SVEP1: variants seen among roughly 807,000 people sequenced by gnomAD.
SVEP1 encodes sushi, von Willebrand factor type A, EGF and pentraxin domain-containing protein 1.
A neutral mutation model predicts 367.3 loss-of-function variants in SVEP1; 164 were observed. The ratio of observed to expected loss-of-function variants is 0.45; its 90% CI spans 0.39 to 0.51. The LOEUF (loss-of-function observed/expected upper bound fraction) is 0.51, where lower values mean the gene tolerates loss of function less well. Among genes scored for constraint, SVEP1 ranks in the 20% least tolerant of loss-of-function variants. The probability of loss-of-function intolerance (pLI) is 0.00; values close to 1 mark genes in which losing one functional copy is unlikely to be tolerated. For synonymous variants in SVEP1, 1,666 were observed against 1,611.6 expected (o/e 1.03, Z -0.81); for missense variants, 4,117 against 4,425.3 (o/e 0.93, Z 1.98).
intron 1 of SVEP1, among the ~76,000 whole-genome samples, chr9:110,554,786 T>C (rs1186996621): frequency 4.0e-5 from 6 of 151,682 alleles, no homozygotes; most frequent in Non-Finnish European, 7.4e-5. Flanking sequence ...TTAGTACACA[T>C]TCCAGGGGAA....
chr9:110,405,744 G>C (rs189888626), intron 38 of SVEP1, among the ~76,000 whole-genome samples: 76 of 152,180 alleles, frequency 5.0e-4, no homozygotes, highest in African/African-American at 1.7e-3. Context: ...CATGATCATG[G>C]CCTGAATTCT....
At chr9:110,556,102 T>G (rs1165094273) in intron 1 of SVEP1, among the ~76,000 whole-genome samples, 1 of 152,178 alleles carries the variant, frequency 6.6e-6, no homozygotes, top group Non-Finnish European at 1.5e-5. Context: ...CAAAAGGTTA[T>G]CACCATCTGT....
intron 21 of SVEP1, among the ~76,000 whole-genome samples, 191 bp downstream of exon 21, chr9:110,457,065 A>G (rs1471204862): frequency 6.6e-6 from 1 of 152,204 alleles, no homozygotes; most frequent in Non-Finnish European, 1.5e-5. Context: ...CAAAATAGGC[A>G]AAGAAAACTG....
At position 110,482,360 on chromosome 9, in the gene SVEP1, C is replaced by A; in HGVS notation, c.2170+1G>T. ...ATTCTGGGGACTTATGAAGACAATA[C>A]CTTTTATGACAATATGGATATCACA... is the stretch of plus-strand genomic sequence containing the variant. On this transcript the variant is annotated splice_donor_variant, in intron 11 of 47. Coordinates refer to ENST00000374469, the MANE Select transcript of SVEP1 (RefSeq NM_153366.4). LOFTEE classifies it high-confidence loss of function. 1 of 1,610,154 alleles carries A rather than the reference C, an allele frequency of 6.2e-7. No individual in the cohort carries two copies. Among genetic ancestry groups the A allele is most frequent in the Non-Finnish European group, 8.5e-7 (1 of 1,178,266 alleles).
At position 110,446,015 on chromosome 9, in the gene SVEP1, C is replaced by T; in HGVS notation, c.4285G>A (p.Asp1429Asn). 6.2e-7 allele frequency: 1 copy of T among 1,612,886 alleles called. No homozygotes were observed. The highest frequency in any genetic ancestry group is 1.7e-5 in the Admixed American group (1 of 59,806). ...ETEQSTGFNL[D>N]FEVSGIYGYV... ...CCATAGATGCCAGAAACTTCAAAAT[C>T]CAGGTTAAAGCCTGTAGACTGTTCT... Residue 1429 changes from aspartate to asparagine, a missense_variant, in exon 26 of 48, where the codon GAT becomes AAT. Physicochemically the swap from Asp to Asn is conservative, Grantham distance 23. Transcript: ENST00000374469.
At chr9:110,413,567 G>A (rs1793433990) in intron 36 of SVEP1, among the ~76,000 whole-genome samples, 2 of 151,750 alleles carry the variant, frequency 1.3e-5, no homozygotes, top group South Asian at 2.1e-4. Flanking sequence ...AATAAAAGGT[G>A]TCTTCTGCAT....
chr9:110,545,593 C>A (rs2118842116), intron 3 of SVEP1, among the ~76,000 whole-genome samples: 1 of 152,206 alleles, frequency 6.6e-6, no homozygotes, highest in African/African-American at 2.4e-5. Flanking sequence ...TACATGTGGC[C>A]TGGGGACAAG....
Position 110,489,716 on chromosome 9 carries a change from T to G in SVEP1, c.1864A>C (p.Ile622Leu). The G allele has an allele frequency of 6.2e-7, 1 of 1,613,572 alleles. No individual in the cohort carries two copies. The highest frequency in any genetic ancestry group is 8.5e-7 in the Non-Finnish European group (1 of 1,179,624). The change falls in exon 9 of 48, where the codon ATC becomes CTC. Residue 622 changes from isoleucine to leucine, a missense_variant. By Grantham distance (5) the Ile-to-Leu change is conservative (BLOSUM62 2). This residue lies in a region of SVEP1 where 2,174 missense variants were observed against 2,494.3 expected (regional missense o/e 0.87). Coordinates refer to ENST00000374469, the MANE Select transcript of SVEP1 (RefSeq NM_153366.4). ...GATAGGTCAGTTGCCGTGTATACGA[T>G]AGCAACATCTCCAATTGGGAAAAGG... ...PYLFPIGDVA[I>L]VYTATDLSGN...
chr9:110,435,316 C>G lies in SVEP1; in HGVS notation c.4813G>C (p.Val1605Leu). ...SCPEELSKGN[V>L]LAWPDFLSGI... ...GACAAGAAATCAGGCCATGCTAACACGTTTCCTTTACTGAGTTCCTCTGGG... is the reference window on the plus strand; with the variant it reads ...GACAAGAAATCAGGCCATGCTAACAGGTTTCCTTTACTGAGTTCCTCTGGG... The change falls in exon 29 of 48, where the codon GTG (valine) becomes CTG (leucine). Residue 1605 changes from valine (V) to leucine (L), a missense_variant. Val to Leu is a conservative substitution (Grantham distance 32). Transcript: ENST00000374469. 1.2e-6 allele frequency: 2 copies of G among 1,613,666 alleles called. No individual in the cohort carries two copies. Among genetic ancestry groups the G allele is most frequent in the Non-Finnish European group, 1.7e-6 (2 of 1,179,628 alleles).
chr9:110,483,891 C>T (rs183481852), intron 9 of SVEP1, among the ~76,000 whole-genome samples, 198 bp from the exon 10 acceptor site: 302 of 152,294 alleles, frequency 2.0e-3, no homozygotes, highest in Admixed American at 3.7e-3. Flanking sequence ...TGCTATACTT[C>T]CCCCATCTGT....
At chr9:110,437,572 C>T (rs1203347871) in intron 27 of SVEP1, among the ~76,000 whole-genome samples, 1 of 152,198 alleles carries the variant, frequency 6.6e-6, no homozygotes, top group Non-Finnish European at 1.5e-5. Context: ...TCTCAGTCTC[C>T]CTTCTCTGCC....
Position 110,481,362 on chromosome 9 carries a change from A to G in SVEP1, c.2245T>C (p.Cys749Arg). Reference sequence around the variant, plus strand: ...TAGCCCTCCAAGCAAGTTAATGTACAGTTGACTCCAGTATTATCTGGAGTG... The same window carrying G: ...TAGCCCTCCAAGCAAGTTAATGTACGGTTGACTCCAGTATTATCTGGAGTG... ...ICTPDNTGVN[C>R]TLTCLEGYDF... The change falls in exon 12 of 48, where the codon TGT (cysteine) becomes CGT (arginine). Residue 749 changes from cysteine to arginine, a missense_variant. Coordinates refer to ENST00000374469, the MANE Select transcript of SVEP1 (RefSeq NM_153366.4). The G allele has an allele frequency of 6.2e-7, 1 of 1,611,044 alleles. No individual in the cohort carries two copies. The highest frequency in any genetic ancestry group is 8.5e-7 in the Non-Finnish European group (1 of 1,178,510).
At chr9:110,461,449 A>C (rs982718355) in intron 18 of SVEP1, among the ~76,000 whole-genome samples, 1 of 152,222 alleles carries the variant, frequency 6.6e-6, no homozygotes, top group African/African-American at 2.4e-5. Context: ...TCAGGATGTC[A>C]ACATCCTTAT....
At position 110,385,947 on chromosome 9, in the gene SVEP1, A is replaced by G. The variant is rs1486149929; in HGVS notation, c.10188T>C (p.Ile3396=). The stretch of plus-strand genomic sequence containing the variant: ...TCCACGTCTCGTCGGGGTTGCAGGT[A>G]ATGATGCCGTGGCCCTGCAGCAGAA... ...EGFLLQGHGI[I]TCNPDETWTQ... The change falls in exon 43 of 48, where the codon ATT becomes ATC. Residue 3396 remains isoleucine, a synonymous_variant. Transcript: ENST00000374469. 2 of 1,613,786 alleles carry G rather than the reference A, an allele frequency of 1.2e-6. No individual in the cohort carries two copies. Among genetic ancestry groups the G allele is most frequent in the African/African-American group, 2.7e-5 (2 of 74,920 alleles).
intron 1 of SVEP1, among the ~76,000 whole-genome samples, chr9:110,567,439 C>T (rs530093651): frequency 7.0e-4 from 107 of 152,180 alleles, no homozygotes; most frequent in Non-Finnish European, 1.2e-3. Context: ...TTTTGATACT[C>T]GGTCTCATTC....
intron 25 of SVEP1, among the ~76,000 whole-genome samples, 170 bp downstream of exon 25, chr9:110,446,730 T>C (rs1178087435): frequency 6.6e-6 from 1 of 152,200 alleles, no homozygotes; most frequent in African/African-American, 2.4e-5. Context: ...CCACTGAGGA[T>C]AATAGTAGTA....
At chr9:110,493,756 AAAAC>A (rs1455149445) in intron 8 of SVEP1, among the ~76,000 whole-genome samples, 5 of 152,050 alleles carry the variant, frequency 3.3e-5, no homozygotes, top group Non-Finnish European at 7.4e-5. Context: ...CAAAAAGCAA[AAAAC>A]AAACAAAAAC....
At chr9:110,530,328 A>G (rs2118815376) in intron 3 of SVEP1, among the ~76,000 whole-genome samples, 1 of 152,198 alleles carries the variant, frequency 6.6e-6, no homozygotes, top group East Asian at 1.9e-4. Context: ...TACATTTTGG[A>G]AATTGGTATA....
chr9:110,519,897 G>T (rs563490608), intron 3 of SVEP1, among the ~76,000 whole-genome samples: 18 of 152,132 alleles, frequency 1.2e-4, no homozygotes, highest in South Asian at 4.2e-4. Context: ...ATATACAGAA[G>T]TTACAAGTAA....
Sources: allele counts gnomAD v4.1 joint callset (sites outside exome capture counted in the v4.1 genomes callset), GRCh38; gene constraint gnomAD v4.1.1; regional missense constraint gnomAD v4.1.1; transcripts MANE v1.5; gene names NCBI Gene and HGNC (gene_info 2026-07-23, HGNC 2026-07-21).